Variants in BDH1 observed in about 807,000 individuals in gnomAD.
The protein encoded by BDH1 is D-beta-hydroxybutyrate dehydrogenase, mitochondrial.
BDH1 carries 30 observed loss-of-function variants against 33.1 expected under a neutral mutation model. The observed-to-expected ratio is 0.91, with a 90% CI of 0.68 to 1.23. The LOEUF (loss-of-function observed/expected upper bound fraction) is 1.23, where lower values mean the gene tolerates loss of function less well. Ranked by LOEUF, BDH1 falls within the 50% of genes most tolerant of loss-of-function variation. The pLI is 0.00. For missense variants in BDH1, 443 were observed against 464.4 expected, an observed-to-expected ratio of 0.95 and a Z score of 0.42; for synonymous variants, 190 against 183.6, an observed-to-expected ratio of 1.03 and a Z score of -0.28.
At chr3:197,540,104 G>A in intron 3 of BDH1, among the ~76,000 whole-genome samples, 1 of 152,014 alleles carries the variant, frequency 6.6e-6, no homozygotes, top group Non-Finnish European at 1.5e-5. Flanking sequence ...AGACTGGAGT[G>A]CTGTGGCACA....
At chr3:197,550,921 T>A (rs892389910) in intron 2 of BDH1, among the ~76,000 whole-genome samples, 4 of 152,208 alleles carry the variant, frequency 2.6e-5, no homozygotes, top group African/African-American at 7.2e-5. Flanking sequence ...AACACTATTA[T>A]TTTTAACTTT....
At chr3:197,536,595 C>A (rs1327915049) in intron 3 of BDH1, among the ~76,000 whole-genome samples, 4 of 152,030 alleles carry the variant, frequency 2.6e-5, no homozygotes, top group Non-Finnish European at 4.4e-5. Flanking sequence ...AACCCCAGCA[C>A]TTTGGGAGGC....
At chr3:197,557,619 A>T (rs1372320871), upstream of BDH1, among the ~76,000 whole-genome samples, 1 of 152,222 alleles carries the variant, frequency 6.6e-6, no homozygotes, top group Admixed American at 6.5e-5. The surrounding 1 kb of genome is among the most constrained non-coding windows in gnomAD (Gnocchi z 4.6). Flanking sequence ...TGGGAGGCTG[A>T]GGCAGAAGAA....
At chr3:197,550,615 G>A (rs1447016607) in intron 2 of BDH1, among the ~76,000 whole-genome samples, 1 of 152,206 alleles carries the variant, frequency 6.6e-6, no homozygotes, top group Non-Finnish European at 1.5e-5. Flanking sequence ...CTGTGGCGCA[G>A]GGCCATGCAA....
At position 197,541,779 on chromosome 3, in the gene BDH1, G is replaced by T. The variant is rs373842412; in HGVS notation, c.83+4582C>A. Among the ~76,000 whole-genome samples, 7 of 152,174 alleles carry T rather than the reference G, an allele frequency of 4.6e-5. No homozygotes were observed. The South Asian group carries it at 8.3e-4, about 18-fold the overall frequency. On this transcript the variant is annotated intron_variant, in intron 3 of 7. Transcript: ENST00000392379. ...TAGGTGATTCTAACCCACAACCAAG[G>T]TTCAATACCACTGCCCTACAGGAAA...
chr3:197,550,863 G>A (rs912261099), intron 2 of BDH1, among the ~76,000 whole-genome samples: 1 of 152,186 alleles, frequency 6.6e-6, no homozygotes, highest in African/African-American at 2.4e-5. Flanking sequence ...CAGGCTGGAC[G>A]TTTCTGCCAC....
At chr3:197,515,509 C>A in intron 6 of BDH1, 1 of 985,724 alleles carries the variant, frequency 1.0e-6, no homozygotes, top group Non-Finnish European at 1.2e-6. Context: ...GCTGACACTT[C>A]CACGTCATCT....
At chr3:197,564,906 T>C (rs1717383727) in intron 1 of BDH1, among the ~76,000 whole-genome samples, 1 of 152,198 alleles carries the variant, frequency 6.6e-6, no homozygotes, top group Admixed American at 6.5e-5. Context: ...ATTGGCTTCC[T>C]GCTGTGTTTT....
chr3:197,524,712 G>A (rs574793367), intron 5 of BDH1, among the ~76,000 whole-genome samples: 2 of 152,006 alleles, frequency 1.3e-5, no homozygotes, highest in Non-Finnish European at 2.9e-5. Flanking sequence ...AGTTGGGGTG[G>A]GGGGTTGTTT....
At position 197,514,136 on chromosome 3, in the gene BDH1, G is replaced by A. The variant is rs867333895; in HGVS notation, c.562+128C>T. 6.3e-6 allele frequency: 8 copies of A among 1,278,344 alleles called. No individual in the cohort carries two copies. Among genetic ancestry groups the A allele is most frequent in the Middle Eastern group, 1.9e-4 (1 of 5,166 alleles). 79.2% of individuals were successfully genotyped at this position (1,278,344 alleles called of 1,614,324 possible). A position where few individuals can be genotyped will look rare whatever the true frequency, so the allele number is the denominator to read the frequency against. On this transcript the variant is annotated intron_variant, in intron 7 of 7. Transcript: ENST00000392379. This position sits in a 1 kb window ranked among gnomAD's most constrained non-coding sequence, Gnocchi z 4.2. ...TCACCCCAGGCCCAGCATAGTCCCTGGGATTCACGAGCTCACCTCTGCTGA... is the reference window on the plus strand; with the variant it reads ...TCACCCCAGGCCCAGCATAGTCCCTAGGATTCACGAGCTCACCTCTGCTGA...
intron 2 of BDH1, among the ~76,000 whole-genome samples, chr3:197,548,150 C>T (rs759311357): frequency 2.0e-5 from 3 of 152,190 alleles, no homozygotes; most frequent in Non-Finnish European, 2.9e-5. Flanking sequence ...GGTGGAAAGT[C>T]GGCCTGTGGC....
At chr3:197,557,943 C>T (rs1717128644), upstream of BDH1, among the ~76,000 whole-genome samples, 1 of 152,196 alleles carries the variant, frequency 6.6e-6, no homozygotes, top group South Asian at 2.1e-4. The surrounding 1 kb of genome is among the most constrained non-coding windows in gnomAD (Gnocchi z 4.6). Flanking sequence ...TATAGTACCA[C>T]AGGGTTAAAA....
intron 1 of BDH1, among the ~76,000 whole-genome samples, chr3:197,563,673 T>C (rs994635261): frequency 6.6e-6 from 1 of 152,206 alleles, no homozygotes; most frequent in African/African-American, 2.4e-5. Context: ...CCAATAAAAA[T>C]ATATTTGTAA....
intron 1 of BDH1, among the ~76,000 whole-genome samples, chr3:197,562,258 G>C (rs1278546655): frequency 1.3e-5 from 2 of 152,122 alleles, no homozygotes; most frequent in African/African-American, 4.8e-5. Context: ...GTTGTTTAAG[G>C]ATCCTAATTC....
At chr3:197,536,552 T>C (rs751151063) in intron 3 of BDH1, among the ~76,000 whole-genome samples, 2 of 152,130 alleles carry the variant, frequency 1.3e-5, no homozygotes, top group African/African-American at 2.4e-5. Flanking sequence ...ATTTAAACCA[T>C]ACATGCGGCC....
At chr3:197,537,129 C>T (rs1419233194) in intron 3 of BDH1, among the ~76,000 whole-genome samples, 1 of 152,076 alleles carries the variant, frequency 6.6e-6, no homozygotes, top group Non-Finnish European at 1.5e-5. Flanking sequence ...GCTGGGACTA[C>T]AGGCATGCAC....
rs147120052 is a variant in BDH1, at chr3:197,520,950, T to C, written c.409+1690A>G. On this transcript the variant is annotated intron_variant, in intron 6 of 7. Transcript: ENST00000392379. The surrounding 1 kb of genome is among the most constrained non-coding windows in gnomAD (Gnocchi z 6.0). Reference sequence around the variant, plus strand: ...TGGGAGCGACAGTGGGCTGATGAGGTGGCACATCAGAGACAGGCAGAGGAG... The same window carrying C: ...TGGGAGCGACAGTGGGCTGATGAGGCGGCACATCAGAGACAGGCAGAGGAG... 7.2e-5 allele frequency among the ~76,000 whole-genome samples: 11 copies of C among 152,068 alleles called. No individual in the cohort carries two copies. The highest frequency in any genetic ancestry group is 6.8e-3 in the Middle Eastern group (2 of 292).
Position 197,511,881 on chromosome 3 carries a change from C to T in BDH1, c.*14G>A. 1.3e-6 allele frequency: 2 copies of T among 1,537,518 alleles called. No homozygotes were observed. Among genetic ancestry groups the T allele is most frequent in the Non-Finnish European group, 1.8e-6 (2 of 1,140,504 alleles). Reference sequence around the variant, plus strand: ...TCCACCAGGGATCCCTGACAGAGGCCACAGCGAGACTCTTCAGCGGATGTA... The same window carrying T: ...TCCACCAGGGATCCCTGACAGAGGCTACAGCGAGACTCTTCAGCGGATGTA... On this transcript the variant is annotated 3_prime_UTR_variant, in exon 8 of 8. Coordinates refer to ENST00000392379, the MANE Select transcript of BDH1 (RefSeq NM_203314.3).
At chr3:197,569,635 A>G (rs1166451122) in intron 1 of BDH1, among the ~76,000 whole-genome samples, 1 of 152,096 alleles carries the variant, frequency 6.6e-6, no homozygotes, top group Non-Finnish European at 1.5e-5. Context: ...ATAAAAACTG[A>G]TGGTTTTACA....
Sources: allele counts gnomAD v4.1 joint callset (sites outside exome capture counted in the v4.1 genomes callset), GRCh38; gene constraint gnomAD v4.1.1; non-coding constraint Gnocchi (gnomAD v3.1); transcripts MANE v1.5; gene names NCBI Gene and HGNC (gene_info 2026-07-23, HGNC 2026-07-21).